The following PLEKHH2 variants were observed in gnomAD, a reference collection of about 807,000 sequenced individuals.
PLEKHH2 encodes the protein pleckstrin homology domain-containing family H member 2.
A neutral mutation model predicts 187.9 loss-of-function variants in PLEKHH2; 129 were observed. The ratio of observed to expected loss-of-function variants is 0.69; its 90% CI spans 0.59 to 0.79. The LOEUF is 0.79. PLEKHH2 is among the 30% of genes least tolerant of loss of function. The probability of loss-of-function intolerance (pLI) is 0.00; values close to 1 mark genes in which losing one functional copy is unlikely to be tolerated. For missense variants in PLEKHH2, 2,076 were observed against 1,751.2 expected (o/e 1.19, Z -3.31); for synonymous variants, 686 against 605.6 (o/e 1.13, Z -1.95).
intron 19 of PLEKHH2, among the ~76,000 whole-genome samples, chr2:43,735,148 C>G (rs1250548632): frequency 6.6e-6 from 1 of 152,040 alleles, no homozygotes; most frequent in Non-Finnish European, 1.5e-5. Flanking sequence ...CGAGAGTGTG[C>G]CACTGCACTC....
chr2:43,762,371 T>G lies in PLEKHH2; in HGVS notation c.4139T>G (p.Leu1380Arg), dbSNP rs1262756986. ...WLAVHEDGLSLLEYNSMRLIV... is the reference protein window; with the variant it reads ...WLAVHEDGLSRLEYNSMRLIV... Reference sequence around the variant, plus strand: ...GCTGTACATGAGGATGGTTTAAGCCTCTTAGAATACAACTCCATGGTAAGT... The same window carrying G: ...GCTGTACATGAGGATGGTTTAAGCCGCTTAGAATACAACTCCATGGTAAGT... Residue 1380 changes from leucine (L) to arginine (R), a missense_variant, in exon 28 of 30, where the codon CTC becomes CGC. Transcript: ENST00000282406. 6.2e-7 allele frequency: 1 copy of G among 1,610,734 alleles called. No individual in the cohort carries two copies.
rs757561520 is a variant in PLEKHH2, at chr2:43,695,234, C to A, written c.502+10C>A. 1.3e-6 allele frequency: 2 copies of A among 1,514,658 alleles called. No individual in the cohort carries two copies. The highest frequency in any genetic ancestry group is 1.8e-6 in the Non-Finnish European group (2 of 1,106,614). The allele number at this position is 1,514,658 out of a possible 1,614,324, so 93.8% of individuals were successfully genotyped here. ...CAGTCAAAACTACAAGGTACAAATA[C>A]TTTACTAAGATAGCTTAGTTGGATT... On this transcript the variant is annotated intron_variant, in intron 6 of 29. Transcript: ENST00000282406.
intron 18 of PLEKHH2, among the ~76,000 whole-genome samples, chr2:43,730,528 A>C (rs1379851805): frequency 2.0e-5 from 3 of 152,130 alleles, no homozygotes; most frequent in Non-Finnish European, 4.4e-5. Flanking sequence ...CCTCCTGAGT[A>C]GCTGGGACCA....
At position 43,712,186 on chromosome 2, in the gene PLEKHH2, C is replaced by A. The variant is rs923410323; in HGVS notation, c.2302-39C>A. The stretch of plus-strand genomic sequence containing the variant: ...GGAAATGCTAACAATCCTAAATCTT[C>A]ACAGTTTTCTTTCCTATACCTTTCT... On this transcript the variant is annotated intron_variant, in intron 14 of 29. Coordinates refer to ENST00000282406, the MANE Select transcript of PLEKHH2 (RefSeq NM_172069.4). 3.1e-6 allele frequency: 5 copies of A among 1,588,176 alleles called. No homozygotes were observed. In the Admixed American group the frequency reaches 8.4e-5, roughly 27 times the overall value.
rs184998645 is a variant in PLEKHH2 at position 43,743,793 on chromosome 2, A to G, written c.3400-41A>G. On this transcript the variant is annotated intron_variant, in intron 22 of 29. Transcript: ENST00000282406. ...CCTTAAAATCTCAGTTTGAAACTATATATTTCTTATTAAGAGAACTGCTTT... is the reference window on the plus strand; with the variant it reads ...CCTTAAAATCTCAGTTTGAAACTATGTATTTCTTATTAAGAGAACTGCTTT... The G allele has an allele frequency of 6.4e-5, 99 of 1,552,534 alleles. No individual in the cohort carries two copies. The East Asian group carries it at 2.1e-3, about 33-fold the overall frequency.
At chr2:43,689,939 C>G (rs1405628756) in intron 3 of PLEKHH2, among the ~76,000 whole-genome samples, 5 of 152,178 alleles carry the variant, frequency 3.3e-5, no homozygotes, top group Admixed American at 6.5e-5. Context: ...AACCCAATGT[C>G]TGTAGGGTGG....
chr2:43,736,876 A>ACTCTCT (rs1671322252), intron 19 of PLEKHH2, among the ~76,000 whole-genome samples: 3 of 152,096 alleles, frequency 2.0e-5, no homozygotes, highest in African/African-American at 7.2e-5. Context: ...AAAGAGAGGG[A>ACTCTCT]GGGAGGGAGA....
At chr2:43,757,508 C>T (rs1181839611) in intron 26 of PLEKHH2, among the ~76,000 whole-genome samples, 1 of 151,774 alleles carries the variant, frequency 6.6e-6, no homozygotes, top group African/African-American at 2.4e-5. Flanking sequence ...CAAGCTCCGC[C>T]TCCCGGGTAC....
At chr2:43,744,867 C>CAAAAAAAAAAAAAAAAAA (rs774106764) in intron 23 of PLEKHH2, among the ~76,000 whole-genome samples, 2 of 82,756 alleles carry the variant, frequency 2.4e-5, no homozygotes, top group African/African-American at 4.3e-5. Flanking sequence ...GACTGTCTCA[C>CAAAAAAAAAAAAAAAAAA]AAAAAAAAAA....
At chr2:43,638,832 A>G (rs1003515217) in intron 1 of PLEKHH2, among the ~76,000 whole-genome samples, 4 of 152,214 alleles carry the variant, frequency 2.6e-5, no homozygotes, top group Admixed American at 2.0e-4. Context: ...CTGAAATTAC[A>G]GAATGAAATG....
intron 3 of PLEKHH2, chr2:43,681,559 T>G: frequency 1.7e-6 from 2 of 1,182,708 alleles, no homozygotes; most frequent in East Asian, 2.5e-5. Context: ...CTCACTTCTG[T>G]GGGCCCGCAC....
chr2:43,704,555 C>T (rs765877393), intron 9 of PLEKHH2, among the ~76,000 whole-genome samples: 22 of 148,164 alleles, frequency 1.5e-4, no homozygotes, highest in Non-Finnish European at 2.8e-4. Flanking sequence ...CCCAGCTACT[C>T]GGGAGGTTGA....
At chr2:43,757,021 A>G (rs1672237249) in intron 25 of PLEKHH2, 98 bp from the exon 26 acceptor site, 1 of 819,536 alleles carries the variant, frequency 1.2e-6, no homozygotes, top group African/African-American at 1.8e-5. Flanking sequence ...TTTATGTATT[A>G]TGTGTTAAAA....
intron 8 of PLEKHH2, among the ~76,000 whole-genome samples, chr2:43,702,527 CT>C (rs1167078689): frequency 0.026 from 1,467 of 57,398 alleles, 23 homozygotes; most frequent in Admixed American, 0.1. Context: ...CATTCTACTA[CT>C]TTTTTTTTTT....
intron 2 of PLEKHH2, among the ~76,000 whole-genome samples, chr2:43,671,176 C>T (rs746549244): frequency 3.3e-5 from 5 of 151,438 alleles, no homozygotes; most frequent in Non-Finnish European, 7.4e-5. Context: ...TAGTAGAGAC[C>T]GGGTTTTACC....
intron 18 of PLEKHH2, among the ~76,000 whole-genome samples, 190 bp from the exon 19 acceptor site, chr2:43,731,300 C>G (rs1671025582): frequency 6.6e-6 from 1 of 152,034 alleles, no homozygotes; most frequent in African/African-American, 2.4e-5. Flanking sequence ...ACACAAAAAA[C>G]AGTAACATGA....
chr2:43,690,788 C>G (rs988113576), intron 3 of PLEKHH2, among the ~76,000 whole-genome samples: 1 of 152,208 alleles, frequency 6.6e-6, no homozygotes, highest in East Asian at 1.9e-4. Flanking sequence ...ACATCTCAAA[C>G]ATCTCTTATT....
rs147604087 is a variant in PLEKHH2 at position 43,697,352 on chromosome 2, G to A, written c.684G>A (p.Met228Ile). The A allele has an allele frequency of 7.5e-6, 12 of 1,606,482 alleles. No individual in the cohort carries two copies. The highest frequency in any genetic ancestry group is 6.8e-5 in the Admixed American group (4 of 58,848). Residue 228 changes from methionine to isoleucine, a missense_variant, in exon 7 of 30, where the codon ATG becomes ATA. Transcript: ENST00000282406. ...CTGAGTTCACTGAAGGAAAAGACAT[G>A]GAAGGTATTTATGAACTACAGGAAT... ...KEPEFTEGKD[M>I]EEMEIPEKSV...
intron 23 of PLEKHH2, 118 bp from the exon 24 acceptor site, chr2:43,745,748 C>G (rs1671752959): frequency 1.5e-6 from 1 of 648,396 alleles, no homozygotes; most frequent in Non-Finnish European, 2.6e-6. Context: ...AAACAAAAAG[C>G]TTGAGTATAT....
Sources: gnomAD v4.1 joint callset for allele counts (sites outside exome capture counted in the v4.1 genomes callset) on GRCh38, gnomAD v4.1.1 for gene constraint, MANE v1.5 for transcripts, NCBI Gene and HGNC (gene_info 2026-07-23, HGNC 2026-07-21) for gene names.